Variants in CDAN1 observed in about 807,000 individuals in gnomAD.
The protein encoded by CDAN1 is codanin-1.
A neutral mutation model predicts 139.8 loss-of-function variants in CDAN1; 107 were observed. The ratio of observed to expected loss-of-function variants is 0.77; its 90% CI spans 0.65 to 0.90. The LOEUF (loss-of-function observed/expected upper bound fraction) is 0.90. Among genes scored for constraint, CDAN1 ranks in the 40% least tolerant of loss-of-function variants. The probability of loss-of-function intolerance (pLI) is 0.00; values close to 1 mark genes in which losing one functional copy is unlikely to be tolerated. For missense variants in CDAN1, 1,667 were observed against 1,575.7 expected (o/e 1.06, Z -0.98); for synonymous variants, 776 against 660.6 (o/e 1.17, Z -2.68).
chr15:42,731,976 T>C (rs1405487587), intron 10 of CDAN1, 151 bp from the exon 11 acceptor site: 2 of 785,358 alleles, frequency 2.5e-6, no homozygotes, highest in Admixed American at 2.0e-5. Flanking sequence ...AATTACAGTA[T>C]TGTTTCACAG....
chr15:42,734,965 T>C (rs2061668132), intron 6 of CDAN1, 135 bp downstream of exon 6: 1 of 727,106 alleles, frequency 1.4e-6, no homozygotes, highest in African/African-American at 1.8e-5. Context: ...TAACACAAAA[T>C]TAAAGAAAGA....
Position 42,737,056 on chromosome 15 carries a change from G to C in CDAN1, c.47C>G (p.Ala16Gly), listed in dbSNP as rs1234355627. Residue 16 changes from alanine (A) to glycine (G), a missense_variant, in exon 1 of 28, where the codon GCA (alanine) becomes GGA (glycine). Physicochemically the swap from Ala to Gly is moderately conservative, Grantham distance 60. This residue lies in a region of CDAN1 where 487 missense variants were observed against 422.2 expected (regional missense o/e 1.15). Coordinates refer to ENST00000356231, the MANE Select transcript of CDAN1 (RefSeq NM_138477.4). ...GCGCGCGATCCACCGCACGACGGCT[G>C]CGACCGACACCTCTTCTCGCAGCAG... ...ESLLREEVSV[A>G]AVVRWIARST... 1.3e-6 allele frequency: 2 copies of C among 1,545,436 alleles called. No individual in the cohort carries two copies. The highest frequency in any genetic ancestry group is 1.4e-5 in the African/African-American group (1 of 72,476).
intron 8 of CDAN1, 67 bp from the exon 9 acceptor site, chr15:42,733,253 G>T: frequency 4.5e-6 from 6 of 1,327,670 alleles, no homozygotes; most frequent in African/African-American, 1.4e-5. Flanking sequence ...GCCCCTGGAA[G>T]AACTATCCGT....
At chr15:42,728,919 C>T (rs2061569376) in intron 19 of CDAN1, 104 bp downstream of exon 19, 2 of 1,579,382 alleles carry the variant, frequency 1.3e-6, no homozygotes, top group Admixed American at 3.3e-5. Flanking sequence ...TCAGCCATTT[C>T]AGCCCCACAC....
At position 42,735,315 on chromosome 15, in the gene CDAN1, G is replaced by T. The variant is rs751595854; in HGVS notation, c.1003C>A (p.Arg335=). ...CTGTCCTTGGCAGTCACCATCCTCC[G>T]GGCAGTGAGGAGCTGAAAGACGAAG... is the stretch of plus-strand genomic sequence containing the variant. ...LFFVFQLLTA[R]RMVTAKDSDP... is the part of the protein sequence containing the mutation. The change falls in exon 5 of 28, where the codon CGG becomes AGG. Residue 335 remains arginine, a synonymous_variant. Coordinates refer to ENST00000356231, the MANE Select transcript of CDAN1 (RefSeq NM_138477.4). 1 of 1,610,436 alleles carries T rather than the reference G, an allele frequency of 6.2e-7. No individual in the cohort carries two copies. The highest frequency in any genetic ancestry group is 1.1e-5 in the South Asian group (1 of 90,192).
In CDAN1 at chr15:42,727,784, G is replaced by A. The variant is rs1218147878; in HGVS notation, c.2948-15C>T. On this transcript the variant is annotated splice_polypyrimidine_tract_variant and intron_variant, in intron 22 of 27. Transcript: ENST00000356231. ...CCTGATCAGTGCTGTGGGGCAGAGG[G>A]AGAATGGGAAAGGAATCACGGGAGG... The A allele has an allele frequency of 5.6e-6, 9 of 1,606,310 alleles. No individual in the cohort carries two copies. In the African/African-American group the frequency reaches 9.4e-5, roughly 17 times the overall value.
rs778449881 is a variant in CDAN1 at position 42,734,299 on chromosome 15, T to C, written c.1184A>G (p.Asn395Ser). 1.1e-5 allele frequency: 17 copies of C among 1,614,140 alleles called. No homozygotes were observed. Among genetic ancestry groups the C allele is most frequent in the Non-Finnish European group, 7.6e-6 (9 of 1,180,032 alleles). The change falls in exon 7 of 28, where the codon AAT (asparagine) becomes AGT (serine). Residue 395 changes from asparagine to serine, a missense_variant. Asn to Ser is a conservative substitution (Grantham distance 46). This residue lies in a region of CDAN1 where 244 missense variants were observed against 309.4 expected (regional missense o/e 0.79). Coordinates refer to ENST00000356231, the MANE Select transcript of CDAN1 (RefSeq NM_138477.4). Reference protein sequence around the residue: ...DKGTLKLLAENERLLCFSPAL... With the variant: ...DKGTLKLLAESERLLCFSPAL... ...TGGTGAGAAGCACAGCAGCCGCTCA[T>C]TCTCAGCCAGCAGCTTCAAGGTCCC... is the stretch of plus-strand genomic sequence containing the variant.
chr15:42,733,635 C>A (rs1267243915), intron 8 of CDAN1, among the ~76,000 whole-genome samples: 1 of 152,188 alleles, frequency 6.6e-6, no homozygotes, highest in Non-Finnish European at 1.5e-5. Context: ...TGCTACAGAC[C>A]AGCAGCACAT....
chr15:42,728,091 G>A, intron 21 of CDAN1, 58 bp from the exon 22 acceptor site: 3 of 1,593,710 alleles, frequency 1.9e-6, no homozygotes, highest in Non-Finnish European at 2.6e-6. Flanking sequence ...AACAAAGGAT[G>A]CCAGAGTCGA....
intron 26 of CDAN1, 78 bp from the exon 27 acceptor site, chr15:42,725,329 GC>G: frequency 2.0e-6 from 3 of 1,498,024 alleles, no homozygotes; most frequent in Non-Finnish European, 2.8e-6. Context: ...ATCTCAAAGG[GC>G]AGAGCTGCTG....
At chr15:42,728,057 A>G (rs1376393965) in intron 21 of CDAN1, 24 bp from the exon 22 acceptor site, 63 of 1,611,212 alleles carry the variant, frequency 3.9e-5, no homozygotes, top group Non-Finnish European at 5.0e-5. Context: ...CTACAGAGTC[A>G]GGGGCTAGGG....
Position 42,736,662 on chromosome 15 carries a change from G to T in CDAN1, c.209C>A (p.Pro70Gln). ...QSSRVLPQGP[P>Q]TPAKTPGASA... ...GGCGCCCGGGGTCTTGGCGGGGGTC[G>T]GGGGCCCCTGCGGGAGGACGCGGCT... The change falls in exon 2 of 28, where the codon CCG (proline) becomes CAG (glutamine). Residue 70 changes from proline (P) to glutamine (Q), a missense_variant. This residue lies in a region of CDAN1 where 487 missense variants were observed against 422.2 expected (regional missense o/e 1.15). Transcript: ENST00000356231. 1 of 1,536,168 alleles carries T rather than the reference G, an allele frequency of 6.5e-7. No individual in the cohort carries two copies. Among genetic ancestry groups the T allele is most frequent in the South Asian group, 1.2e-5 (1 of 82,350 alleles).
chr15:42,736,490 C>T lies in CDAN1; in HGVS notation c.381G>A (p.Pro127=), dbSNP rs2061690024. The change falls in exon 2 of 28, where the codon CCG becomes CCA. Residue 127 remains proline (P), a synonymous_variant. Coordinates refer to ENST00000356231, the MANE Select transcript of CDAN1 (RefSeq NM_138477.4). ...GGCCGCGGCCTCCACGCTCGCGGGC[C>T]GGCCCCGGGCCCCGCCTCCTGCCCC... ...RRGGRRRGPG[P]ARERGGRGLE... 3 of 1,426,322 alleles carry T rather than the reference C, an allele frequency of 2.1e-6. No homozygotes were observed. The highest frequency in any genetic ancestry group is 1.5e-5 in the South Asian group (1 of 65,988). The allele number at this position is 1,426,322 out of a possible 1,614,324, so 88.4% of individuals were successfully genotyped here.
chr15:42,736,974 G>C (rs1196541915), intron 1 of CDAN1, 39 bp downstream of exon 1: 5 of 1,530,380 alleles, frequency 3.3e-6, no homozygotes, highest in Non-Finnish European at 4.4e-6. Context: ...TGCGGGAACC[G>C]GCTTCGAGTC....
At chr15:42,724,880 C>T in intron 27 of CDAN1, 1 of 607,902 alleles carries the variant, frequency 1.6e-6, no homozygotes, top group Non-Finnish European at 2.9e-6. Context: ...AATTATTATT[C>T]CCGTTAAAAT....
At position 42,723,766 on chromosome 15, in the gene CDAN1, G is replaced by T. The variant is rs2061488812; in HGVS notation, c.*725C>A. On this transcript the variant is annotated 3_prime_UTR_variant, in exon 28 of 28. Transcript: ENST00000356231. ...CTGTTACCCAGACTGGAGTGCAGTG[G>T]TGCGACCTCGGCTCACTGCAACCTC... is the stretch of plus-strand genomic sequence containing the variant. The T allele has an allele frequency of 1.3e-5, 2 of 153,948 alleles. No homozygotes were observed. Among genetic ancestry groups the T allele is most frequent in the Non-Finnish European group, 2.9e-5 (2 of 69,364 alleles). The allele number at this position is 153,948 out of a possible 1,614,324, so 9.5% of individuals were successfully genotyped here. A position where few individuals can be genotyped will look rare whatever the true frequency, so the allele number is the denominator to read the frequency against.
Position 42,729,568 on chromosome 15 carries a change from C to T in CDAN1, c.2407G>A (p.Gly803Arg), listed in dbSNP as rs200053613. Residue 803 changes from glycine (G) to arginine (R), a missense_variant and splice_region_variant, in exon 17 of 28, where the codon GGA (glycine) becomes AGA (arginine). Gly to Arg is a moderately radical substitution (Grantham distance 125). Transcript: ENST00000356231. ...CCGTCCAGGGAAGACCGGTGCTCAC[C>T]GATGTAGGGGCAGCAGGTGTAGAGC... ...QLLYTCCPYI[G>R]ELRKLLASWV... The T allele has an allele frequency of 5.1e-5, 82 of 1,614,124 alleles. 1 individual carries two copies. Among genetic ancestry groups the T allele is most frequent in the East Asian group, 2.5e-4 (11 of 44,884 alleles).
intron 9 of CDAN1, among the ~76,000 whole-genome samples, chr15:42,732,629 G>A (rs912078670): frequency 6.6e-6 from 1 of 152,072 alleles, no homozygotes; most frequent in Non-Finnish European, 1.5e-5. Context: ...GAAATCATGC[G>A]ACCACACCCC....
chr15:42,729,354 G>T lies in CDAN1; in HGVS notation c.2416C>A (p.Arg806=). 1 of 1,614,140 alleles carries T rather than the reference G, an allele frequency of 6.2e-7. No homozygotes were observed. Among genetic ancestry groups the T allele is most frequent in the Non-Finnish European group, 8.5e-7 (1 of 1,180,022 alleles). ...YTCCPYIGEL[R]KLLASWVSGS... is the part of the protein sequence containing the mutation. The stretch of plus-strand genomic sequence containing the variant: ...GACACCCACGAAGCGAGCAGTTTCC[G>T]GAGCTCTCCTGTATCAGTGAAGTCC... The change falls in exon 18 of 28, where the codon CGG becomes AGG. Residue 806 remains arginine, a synonymous_variant. Transcript: ENST00000356231.
Sources: gnomAD v4.1 joint callset for allele counts (sites outside exome capture counted in the v4.1 genomes callset) on GRCh38, gnomAD v4.1.1 for gene constraint, gnomAD v4.1.1 regional missense constraint, MANE v1.5 for transcripts, NCBI Gene and HGNC (gene_info 2026-07-23, HGNC 2026-07-21) for gene names.